TMPRSS15: variants seen among roughly 807,000 people sequenced by gnomAD.
TMPRSS15 encodes the protein enteropeptidase.
A neutral mutation model predicts 125.3 loss-of-function variants in TMPRSS15; 128 were observed. That is an observed-to-expected ratio of 1.02 (90% CI 0.89 to 1.18). The LOEUF (loss-of-function observed/expected upper bound fraction) is 1.18, where lower values mean the gene tolerates loss of function less well. Among genes scored for constraint, TMPRSS15 ranks in the 50% most tolerant of loss-of-function variants. The pLI, the probability that TMPRSS15 is intolerant of heterozygous loss-of-function variation, is 0.00. For missense variants in TMPRSS15, 1,283 were observed against 1,212.7 expected, an observed-to-expected ratio of 1.06 and a Z score of -0.86; for synonymous variants, 446 against 423.2, an observed-to-expected ratio of 1.05 and a Z score of -0.66.
At chr21:18,339,599 T>C (rs568342380) in intron 13 of TMPRSS15, among the ~76,000 whole-genome samples, 1 of 152,216 alleles carries the variant, frequency 6.6e-6, no homozygotes, top group African/African-American at 2.4e-5. Flanking sequence ...ATCAGATCCA[T>C]GCAGAACAAA....
At chr21:18,300,220 CTCTT>C (rs1180778916) in intron 18 of TMPRSS15, among the ~76,000 whole-genome samples, 1 of 102,656 alleles carries the variant, frequency 9.7e-6, no homozygotes, top group African/African-American at 3.8e-5. Context: ...TTTTCTTTCT[CTCTT>C]TTTCTTTCTT....
At chr21:18,369,188 A>G (rs773763387) in intron 6 of TMPRSS15, among the ~76,000 whole-genome samples, 1 of 152,188 alleles carries the variant, frequency 6.6e-6, no homozygotes, top group Non-Finnish European at 1.5e-5. Context: ...GATGGAACAC[A>G]TAAGGGTAAG....
intron 22 of TMPRSS15, among the ~76,000 whole-genome samples, chr21:18,279,612 G>C (rs764109802): frequency 7.9e-5 from 12 of 151,680 alleles, no homozygotes; most frequent in East Asian, 1.9e-4. Context: ...GGGATTACAG[G>C]TGTGAGCCAC....
intron 1 of TMPRSS15, among the ~76,000 whole-genome samples, chr21:18,421,585 G>T (rs2076192046): frequency 6.6e-6 from 1 of 152,070 alleles, no homozygotes; most frequent in Non-Finnish European, 1.5e-5. Flanking sequence ...AATGCCAAAG[G>T]TCAGTATATA....
At chr21:18,435,261 G>A (rs2076225294) in intron 1 of TMPRSS15, among the ~76,000 whole-genome samples, 1 of 152,148 alleles carries the variant, frequency 6.6e-6, no homozygotes, top group Non-Finnish European at 1.5e-5. Flanking sequence ...GATATTGGCT[G>A]TGGGTTTTTC....
At chr21:18,358,045 C>T (rs2075642693) in intron 8 of TMPRSS15, among the ~76,000 whole-genome samples, 1 of 151,630 alleles carries the variant, frequency 6.6e-6, no homozygotes, top group Admixed American at 6.6e-5. Context: ...ATGTTTTCTG[C>T]TTGGATATTC....
intron 1 of TMPRSS15, among the ~76,000 whole-genome samples, chr21:18,473,640 A>T (rs1055196198): frequency 6.6e-6 from 1 of 152,128 alleles, no homozygotes; most frequent in African/African-American, 2.4e-5. Flanking sequence ...AAGGATTCTT[A>T]TAGCAGCTCT....
intron 17 of TMPRSS15, among the ~76,000 whole-genome samples, chr21:18,314,752 G>T (rs139389476): frequency 1.3e-5 from 2 of 152,272 alleles, no homozygotes; most frequent in East Asian, 3.9e-4. Flanking sequence ...CAGCAGGGCA[G>T]GGGGAGAAAG....
chr21:18,321,502 G>A (rs1327484765), intron 16 of TMPRSS15, among the ~76,000 whole-genome samples: 2 of 151,756 alleles, frequency 1.3e-5, no homozygotes, highest in South Asian at 2.1e-4. Flanking sequence ...ACAGGTGCCT[G>A]CCACCACGCC....
chr21:18,393,998 G>A lies in TMPRSS15; in HGVS notation c.344+3881C>T, dbSNP rs149921996. On this transcript the variant is annotated intron_variant, in intron 3 of 24. Coordinates refer to ENST00000284885, the MANE Select transcript of TMPRSS15 (RefSeq NM_002772.3). The stretch of plus-strand genomic sequence containing the variant: ...TAAGTAAGCCCTATATGTGTGTTAA[G>A]TACATAAGCGAGCAAATGAATGGAT... Among the ~76,000 whole-genome samples, 362 of 152,240 alleles carry A rather than the reference G, an allele frequency of 2.4e-3. 2 individuals carry two copies. Among genetic ancestry groups the A allele is most frequent in the Middle Eastern group, 0.01 (3 of 294 alleles).
chr21:18,395,774 T>A (rs2076028713), intron 3 of TMPRSS15, among the ~76,000 whole-genome samples: 1 of 152,162 alleles, frequency 6.6e-6, no homozygotes, highest in South Asian at 2.1e-4. Context: ...ACTGTAATAA[T>A]TTCTATCAGA....
At chr21:18,476,528 A>G (rs1266747183) in intron 1 of TMPRSS15, among the ~76,000 whole-genome samples, 1 of 152,182 alleles carries the variant, frequency 6.6e-6, no homozygotes, top group East Asian at 1.9e-4. Flanking sequence ...TGTGCTTGAA[A>G]CAAACTATTT....
chr21:18,300,021 G>A (rs548381376), intron 18 of TMPRSS15, among the ~76,000 whole-genome samples: 2 of 152,088 alleles, frequency 1.3e-5, no homozygotes, highest in East Asian at 3.9e-4. Flanking sequence ...TCTGTTTTAC[G>A]GCACTCATGT....
At chr21:18,450,316 T>A (rs1358565781) in intron 1 of TMPRSS15, among the ~76,000 whole-genome samples, 1 of 152,134 alleles carries the variant, frequency 6.6e-6, no homozygotes, top group Non-Finnish European at 1.5e-5. Context: ...TGGAAAGATC[T>A]ATTTTTTTCT....
intron 22 of TMPRSS15, among the ~76,000 whole-genome samples, chr21:18,280,593 A>AAAAAAAAAAAAAAAAC (rs1267521488): frequency 5.2e-4 from 74 of 143,590 alleles, no homozygotes; most frequent in African/African-American, 1.9e-3. Flanking sequence ...AAAAAAAAAA[A>AAAAAAAAAAAAAAAAC]AACAACAAAA....
At chr21:18,331,885 A>G (rs1010430916) in intron 14 of TMPRSS15, among the ~76,000 whole-genome samples, 199 bp downstream of exon 14, 2 of 152,238 alleles carry the variant, frequency 1.3e-5, no homozygotes, top group Non-Finnish European at 2.9e-5. Flanking sequence ...GGGCATTAAC[A>G]CAGTGCCTGG....
rs575053162 is a variant in TMPRSS15 at position 18,338,452 on chromosome 21, A to T, written c.1564+2961T>A. Among the ~76,000 whole-genome samples the T allele has an allele frequency of 1.2e-4, 18 of 152,296 alleles. No homozygotes were observed. The East Asian group carries it at 1.4e-3, about 11-fold the overall frequency. ...ATTTATCAAGCAAGCCATGATTTTA[A>T]TGATGCTGAATGTTGTTCTTGCAAA... On this transcript the variant is annotated intron_variant, in intron 13 of 24. Transcript: ENST00000284885.
At chr21:18,305,636 G>A (rs2075030272) in intron 18 of TMPRSS15, among the ~76,000 whole-genome samples, 1 of 152,290 alleles carries the variant, frequency 6.6e-6, no homozygotes, top group African/African-American at 2.4e-5. Flanking sequence ...TAACCAGGCT[G>A]TACCTTCAAG....
intron 3 of TMPRSS15, among the ~76,000 whole-genome samples, chr21:18,392,171 ACTC>A (rs2075996498): frequency 6.6e-6 from 1 of 151,936 alleles, no homozygotes; most frequent in Non-Finnish European, 1.5e-5. Flanking sequence ...ATAACATTTG[ACTC>A]CTCATTACTT....
Sources: gnomAD v4.1 joint callset for allele counts (sites outside exome capture counted in the v4.1 genomes callset) on GRCh38, gnomAD v4.1.1 for gene constraint, MANE v1.5 for transcripts, NCBI Gene and HGNC (gene_info 2026-07-23, HGNC 2026-07-21) for gene names.